The following RTN4 variants were observed in gnomAD, a reference collection of about 807,000 sequenced individuals.
RTN4 encodes the protein reticulon 4.
Under a neutral mutation model 90.4 loss-of-function variants are expected in RTN4, and 32 were observed. The observed-to-expected ratio is 0.35, with a 90% CI of 0.27 to 0.48. The LOEUF is 0.48. Among genes scored for constraint, RTN4 ranks in the 20% least tolerant of loss-of-function variants. The pLI is 0.99. For missense variants in RTN4, 1,706 were observed against 1,430.2 expected (o/e 1.19, Z -3.11); for synonymous variants, 629 against 552.5 (o/e 1.14, Z -1.94).
the RTN4 span, among the ~76,000 whole-genome samples, chr2:55,125,540 C>T: frequency 6.6e-6 from 1 of 152,196 alleles, no homozygotes; most frequent in African/African-American, 2.4e-5. Context: ...CCAAGGCAGG[C>T]AGATGACTTG....
chr2:55,049,309 A>G, intron 1 of RTN4: 1 of 297,510 alleles, frequency 3.4e-6, no homozygotes, highest in Non-Finnish European at 5.1e-6. Context: ...TTTCCAAAGG[A>G]GCAACCCAGA....
rs769359336 is a variant in RTN4 at position 54,987,571 on chromosome 2, C to T, written c.3141G>A (p.Leu1047=). 2 of 1,614,116 alleles carry T rather than the reference C, an allele frequency of 1.2e-6. No homozygotes were observed. Among genetic ancestry groups the T allele is most frequent in the South Asian group, 2.2e-5 (2 of 91,076 alleles). Residue 1047 remains leucine (L), a synonymous_variant, in exon 4 of 9, where the codon CTG becomes CTA. Transcript: ENST00000337526. ...TCCTAAAGCTGATGGTCACAGAGAG[C>T]AGGGCCAAGGCAATGTAGGCTGTTA... ...VSVTAYIALA[L]LSVTISFRIY...
chr2:55,072,170 T>A (rs1009626225), intron 2 of RTN4, among the ~76,000 whole-genome samples: 15 of 151,072 alleles, frequency 9.9e-5, no homozygotes, highest in Non-Finnish European at 2.1e-4. Context: ...CAAAAAAAAA[T>A]ATGTAAAACT....
intron 3 of RTN4, among the ~76,000 whole-genome samples, chr2:54,993,349 A>G (rs1416451114): frequency 1.3e-5 from 2 of 152,164 alleles, no homozygotes; most frequent in Non-Finnish European, 2.9e-5. Context: ...TTCCTATTGG[A>G]AAAAGAACAC....
chr2:55,043,419 T>C (rs983573959), intron 1 of RTN4, among the ~76,000 whole-genome samples: 1 of 152,154 alleles, frequency 6.6e-6, no homozygotes, highest in Non-Finnish European at 1.5e-5. Flanking sequence ...AATTGAGGCT[T>C]TGAATCAAGT....
intron 1 of RTN4, among the ~76,000 whole-genome samples, chr2:55,035,415 A>G (rs1260094961): frequency 6.6e-6 from 1 of 152,184 alleles, no homozygotes; most frequent in Admixed American, 6.5e-5. Context: ...AAATAGGGGG[A>G]AAATTAAAGA....
At chr2:55,010,204 G>A (rs1321735016) in intron 3 of RTN4, 2 of 1,600,658 alleles carry the variant, frequency 1.2e-6, no homozygotes, top group South Asian at 2.2e-5. Context: ...CCTACTCCCT[G>A]AGACATGAAA....
upstream of RTN4, among the ~76,000 whole-genome samples, chr2:55,052,607 C>T (rs901913778): frequency 6.6e-6 from 1 of 151,886 alleles, no homozygotes; most frequent in Non-Finnish European, 1.5e-5. Context: ...AATTTTGGGG[C>T]GGGAAGTTAA....
intron 3 of RTN4, among the ~76,000 whole-genome samples, chr2:55,003,742 G>A (rs1205793632): frequency 6.6e-6 from 1 of 152,138 alleles, no homozygotes; most frequent in South Asian, 2.1e-4. Context: ...AACTAAGCAA[G>A]TACAGACTTT....
At chr2:54,974,602 T>C in intron 6 of RTN4, 93 bp downstream of exon 6, 1 of 1,085,746 alleles carries the variant, frequency 9.2e-7, no homozygotes. Context: ...CCCCTACTTT[T>C]CATACAATGA....
intron 4 of RTN4, among the ~76,000 whole-genome samples, chr2:54,983,205 A>C (rs1230171426): frequency 1.3e-5 from 2 of 152,076 alleles, no homozygotes; most frequent in Non-Finnish European, 2.9e-5. Flanking sequence ...CCAGATTGTA[A>C]AGTGGCTGCC....
At chr2:55,063,272 G>T (rs1459387248) in intron 2 of RTN4, among the ~76,000 whole-genome samples, 2 of 152,192 alleles carry the variant, frequency 1.3e-5, no homozygotes, top group African/African-American at 4.8e-5. Context: ...AGGTGAGGCG[G>T]GAAAGCCTTC....
At chr2:55,118,165 T>A in the RTN4 span, among the ~76,000 whole-genome samples, 2 of 152,086 alleles carry the variant, frequency 1.3e-5, no homozygotes, top group South Asian at 4.1e-4. Flanking sequence ...TTTTGCCCCA[T>A]CTTTTAAAAG....
rs200885212 is a variant in RTN4, at chr2:55,027,126, C to G, written c.973G>C (p.Val325Leu). 3.7e-6 allele frequency: 6 copies of G among 1,613,146 alleles called. No homozygotes were observed. The African/African-American group carries it at 4.0e-5, about 11-fold the overall frequency. ...IVANPREEII[V>L]KNKDEEEKLV... is the part of the protein sequence containing the mutation. The stretch of plus-strand genomic sequence containing the variant: ...TTCTCTTCTTCATCTTTATTTTTCA[C>G]GATTATTTCTTCCCTAGGATTTGCT... The change falls in exon 3 of 9, where the codon GTG becomes CTG. Residue 325 changes from valine (V) to leucine (L), a missense_variant. Val to Leu is a conservative substitution (Grantham distance 32, BLOSUM62 1). Transcript: ENST00000337526.
chr2:55,124,125 TGAGA>T, the RTN4 span, among the ~76,000 whole-genome samples: 1 of 152,228 alleles, frequency 6.6e-6, no homozygotes, highest in Non-Finnish European at 1.5e-5. Context: ...AAGTTTGAGC[TGAGA>T]GAATCACCCT....
chr2:55,102,975 G>A (rs1373642020), intron 1 of RTN4, among the ~76,000 whole-genome samples: 3 of 151,666 alleles, frequency 2.0e-5, no homozygotes, highest in African/African-American at 4.9e-5. Context: ...AAAATAAGCC[G>A]GGCATGGTGA....
At chr2:54,993,354 G>T (rs184120189) in intron 3 of RTN4, among the ~76,000 whole-genome samples, 1 of 152,240 alleles carries the variant, frequency 6.6e-6, no homozygotes, top group African/African-American at 2.4e-5. Flanking sequence ...ATTGGAAAAA[G>T]AACACCCTGT....
chr2:54,979,351 C>T (rs1402694791), intron 5 of RTN4, among the ~76,000 whole-genome samples: 1 of 152,178 alleles, frequency 6.6e-6, no homozygotes, highest in African/African-American at 2.4e-5. Flanking sequence ...AGCTACTGTG[C>T]ATGGCCAGGA....
At chr2:55,122,084 A>G in the RTN4 span, among the ~76,000 whole-genome samples, 1 of 151,556 alleles carries the variant, frequency 6.6e-6, no homozygotes, top group African/African-American at 2.4e-5. Context: ...TGCAGCCTCA[A>G]CCTCCTGGAC....
Sources: allele counts gnomAD v4.1 joint callset (sites outside exome capture counted in the v4.1 genomes callset), GRCh38; gene constraint gnomAD v4.1.1; transcripts MANE v1.5; gene names NCBI Gene and HGNC (gene_info 2026-07-23, HGNC 2026-07-21).